Variants in NUDC observed in about 807,000 individuals in gnomAD.
NUDC encodes the protein nuclear distribution C, dynein complex regulator.
In NUDC, 14 loss-of-function variants were observed where a neutral mutation model predicts 45.0. That is an observed-to-expected ratio of 0.31 (90% confidence interval 0.21 to 0.49). The LOEUF (loss-of-function observed/expected upper bound fraction) is 0.49. Among genes scored for constraint, NUDC ranks in the 20% least tolerant of loss-of-function variants. NUDC has a pLI of 0.99. For synonymous variants in NUDC, 153 were observed against 156.7 expected (o/e 0.98, Z 0.17); for missense variants, 323 against 426.2 (o/e 0.76, Z 2.13).
chr1:26,926,134 G>A lies in NUDC; in HGVS notation c.159+1968G>A, dbSNP rs1434324012. On this transcript the variant is annotated intron_variant, in intron 2 of 8. Coordinates refer to ENST00000321265, the MANE Select transcript of NUDC (RefSeq NM_006600.4). ...TGGGTTCAAGCAATTATTGTGCTCA[G>A]CCTCCTGAGTAGCTGAGATTACAGG... 2.0e-5 allele frequency among the ~76,000 whole-genome samples: 3 copies of A among 152,122 alleles called. No individual in the cohort carries two copies. In the East Asian group the frequency reaches 5.8e-4, roughly 29 times the overall value.
chr1:26,942,435 A>G (rs2082285141), intron 4 of NUDC, among the ~76,000 whole-genome samples: 1 of 152,162 alleles, frequency 6.6e-6, no homozygotes, highest in Non-Finnish European at 1.5e-5. Flanking sequence ...ACATGGTATA[A>G]TATTAATAGT....
chr1:26,904,748 C>T (rs1465577256), intron 2 of NUDC, among the ~76,000 whole-genome samples: 1 of 152,172 alleles, frequency 6.6e-6, no homozygotes, highest in East Asian at 1.9e-4. Context: ...TGAGAGATCA[C>T]CTCCAACCCC....
intron 2 of NUDC, 30 bp downstream of exon 2, chr1:26,924,196 C>T (rs775100289): frequency 4.1e-5 from 65 of 1,590,850 alleles, no homozygotes; most frequent in African/African-American, 5.4e-5. Flanking sequence ...GTCCTTTGGG[C>T]GGCTCTGTCT....
intron 2 of NUDC, among the ~76,000 whole-genome samples, chr1:26,906,173 G>A (rs1035846358): frequency 6.6e-6 from 1 of 152,176 alleles, no homozygotes; most frequent in Non-Finnish European, 1.5e-5. Context: ...CCAGCTACTT[G>A]GGAGGTTGGG....
chr1:26,927,187 C>CGT (rs71010306), intron 2 of NUDC, among the ~76,000 whole-genome samples: 13 of 126,794 alleles, frequency 1.0e-4, no homozygotes, highest in South Asian at 4.5e-4. Context: ...AGAGATGAAC[C>CGT]GTGTGTGTGT....
intron 3 of NUDC, chr1:26,913,951 C>G: frequency 1.4e-6 from 2 of 1,455,226 alleles, no homozygotes; most frequent in Non-Finnish European, 1.8e-6. Context: ...GGTTAGGGAT[C>G]TGCTCTCACT....
intron 2 of NUDC, among the ~76,000 whole-genome samples, chr1:26,934,925 G>A (rs1428848191): frequency 6.6e-6 from 1 of 151,828 alleles, no homozygotes; most frequent in African/African-American, 2.4e-5. Flanking sequence ...CCAAAGTGCT[G>A]GGATTACAGG....
In NUDC at chr1:26,945,578, T is replaced by C. The variant is rs772726972; in HGVS notation, c.836T>C (p.Leu279Pro). ...ACTGCCTGCCCTCAGCTGTCAGACC[T>C]GGACAGTGAGACTCGCAGCATGGTG... ...INPENSKLSD[L>P]DSETRSMVEK... is the part of the protein sequence containing the mutation. The change falls in exon 8 of 9, where the codon CTG (leucine) becomes CCG (proline). Residue 279 changes from leucine to proline, a missense_variant. By Grantham distance (98) the Leu-to-Pro change is moderately conservative. Transcript: ENST00000321265. 1.9e-6 allele frequency: 3 copies of C among 1,614,032 alleles called. No homozygotes were observed. In the African/African-American group the frequency reaches 4.0e-5, roughly 22 times the overall value.
At position 26,921,764 on chromosome 1, in the gene NUDC, T is replaced by A. The variant is rs2082092355; in HGVS notation, c.-85T>A. On this transcript the variant is annotated 5_prime_UTR_variant, in exon 1 of 9. Coordinates refer to ENST00000321265, the MANE Select transcript of NUDC (RefSeq NM_006600.4). ...CGCTGCGGAAGGCGGACGACTAGAG[T>A]CGTTGGGCCCGGCGCGACCCGCAGG... The A allele has an allele frequency of 7.0e-7, 1 of 1,419,426 alleles. No homozygotes were observed. Among genetic ancestry groups the A allele is most frequent in the Non-Finnish European group, 9.7e-7 (1 of 1,032,610 alleles). The allele number at this position is 1,419,426 out of a possible 1,614,324, so 87.9% of individuals were successfully genotyped here.
At position 26,915,383 on chromosome 1, in the gene NUDC, G is replaced by A. The variant is rs141602364; in HGVS notation, c.93+4148G>A. Among the ~76,000 whole-genome samples the A allele has an allele frequency of 1.2e-4, 18 of 152,236 alleles. No individual in the cohort carries two copies. In the East Asian group the frequency reaches 3.5e-3, roughly 29 times the overall value. On this transcript the variant is annotated intron_variant, in intron 3 of 6. Coordinates refer to the NUDC transcript ENST00000435827. ...CAGACGTTGCCCACTTGTGATCTGG[G>A]CAGAAGTGTTGCTCTGCTGCCACGT...
upstream of NUDC, among the ~76,000 whole-genome samples, chr1:26,917,752 G>A (rs1194621019): frequency 2.6e-5 from 4 of 151,924 alleles, no homozygotes; most frequent in African/African-American, 9.7e-5. Flanking sequence ...CAGACATGGT[G>A]GTGCATACCT....
In NUDC at chr1:26,946,663, C is replaced by T. The variant is rs557705117; in HGVS notation, c.*482C>T. 6 of 202,768 alleles carry T rather than the reference C, an allele frequency of 3.0e-5. No individual in the cohort carries two copies. The South Asian group carries it at 5.1e-4, about 17-fold the overall frequency. 12.6% of individuals were successfully genotyped at this position (202,768 alleles called of 1,614,324 possible). On this transcript the variant is annotated 3_prime_UTR_variant, in exon 9 of 9. Transcript: ENST00000321265. ...TGTCAGGAGTTTGAGACCAGCTTGG[C>T]CAACATGGAGAAACCCAGTCTCTAC...
At chr1:26,920,782 A>C (rs964743701), upstream of NUDC, among the ~76,000 whole-genome samples, 10 of 151,576 alleles carry the variant, frequency 6.6e-5, no homozygotes, top group Admixed American at 1.3e-4. Context: ...AAAACAAAAA[A>C]AAAAAAACAG....
chr1:26,930,144 T>G (rs1210956006), intron 2 of NUDC, among the ~76,000 whole-genome samples: 1 of 152,170 alleles, frequency 6.6e-6, no homozygotes, highest in Non-Finnish European at 1.5e-5. Context: ...GGGTTCTGAT[T>G]TCCCTCAATG....
chr1:26,922,215 A>T, intron 1 of NUDC: 1 of 524,974 alleles, frequency 1.9e-6, no homozygotes, highest in South Asian at 2.1e-5. Context: ...TTCCACTTTG[A>T]TGGCGGCTTC....
At chr1:26,925,465 C>CG (rs373592428) in intron 2 of NUDC, among the ~76,000 whole-genome samples, 3,429 of 137,164 alleles carry the variant, frequency 0.025, 147 homozygotes, top group African/African-American at 0.088. Flanking sequence ...GCGTGAACCC[C>CG]GGGGGGCGGA....
At chr1:26,924,615 G>A (rs1292945361) in intron 2 of NUDC, among the ~76,000 whole-genome samples, 4 of 152,142 alleles carry the variant, frequency 2.6e-5, no homozygotes, top group African/African-American at 4.8e-5. Context: ...GCGCAGTGGC[G>A]CAATGTCGGC....
Position 26,911,047 on chromosome 1 carries a change from A to G in NUDC, c.-15-81A>G. The G allele has an allele frequency of 6.6e-6, 3 of 455,622 alleles. No homozygotes were observed. The Admixed American group carries it at 7.4e-5, about 11-fold the overall frequency. The allele number at this position is 455,622 out of a possible 1,614,324, so 28.2% of individuals were successfully genotyped here. A position where few individuals can be genotyped will look rare whatever the true frequency, so the allele number is the denominator to read the frequency against. ...AAACCTTGGTCTGCCTTGGCCTTCA[A>G]GCAGTTGCCAGGCCAGCCCTGGGTA... On this transcript the variant is annotated intron_variant, in intron 2 of 6. Coordinates refer to the NUDC transcript ENST00000435827.
rs921028010 is a variant in NUDC, at chr1:26,946,516, C to T, written c.*335C>T. The T allele has an allele frequency of 2.6e-6, 1 of 388,866 alleles. No homozygotes were observed. Among genetic ancestry groups the T allele is most frequent in the Non-Finnish European group, 4.9e-6 (1 of 204,888 alleles). 24.1% of individuals were successfully genotyped at this position (388,866 alleles called of 1,614,324 possible). ...TCTGCCATGTGACCTAGGGCACATC[C>T]TTGCCCCTCTCTGGGCCTCAGTTTC... On this transcript the variant is annotated 3_prime_UTR_variant, in exon 9 of 9. Transcript: ENST00000321265.
Sources: gnomAD v4.1 joint callset for allele counts (sites outside exome capture counted in the v4.1 genomes callset) on GRCh38, gnomAD v4.1.1 for gene constraint, MANE v1.5 for transcripts, NCBI Gene and HGNC (gene_info 2026-07-23, HGNC 2026-07-21) for gene names.